NIPAL2: variants seen among roughly 807,000 people sequenced by gnomAD.
NIPAL2 encodes the protein NIPA like domain containing 2.
Under a neutral mutation model 48.9 loss-of-function variants are expected in NIPAL2, and 43 were observed. The ratio of observed to expected loss-of-function variants is 0.88; its 90% confidence interval spans 0.69 to 1.13. The LOEUF is 1.13. Among genes scored for constraint, NIPAL2 ranks in the 50% most tolerant of loss-of-function variants. The pLI, the probability that NIPAL2 is intolerant of heterozygous loss-of-function variation, is 0.00. For synonymous variants in NIPAL2, 167 were observed against 174.6 expected (o/e 0.96, Z 0.34); for missense variants, 446 against 461.4 (o/e 0.97, Z 0.31).
At position 98,252,635 on chromosome 8, in the gene NIPAL2, C is replaced by T. The variant is rs267602047; in HGVS notation, c.205-1G>A. ...GTGCCAGCTGAAGGTGAGAATATTT[C>T]TGAAAGTAAATCAGAAGACAAATAA... is the stretch of plus-strand genomic sequence containing the variant. On this transcript the variant is annotated splice_acceptor_variant, in intron 2 of 10. Transcript: ENST00000430223. LOFTEE classifies it high-confidence loss of function. The T allele has an allele frequency of 6.2e-7, 1 of 1,608,376 alleles. No individual in the cohort carries two copies. The highest frequency in any genetic ancestry group is 2.2e-5 in the East Asian group (1 of 44,596).
In NIPAL2 at chr8:98,192,309, A is replaced by G. The variant is rs1586276757; in HGVS notation, c.*669T>C. The G allele has an allele frequency of 6.6e-6, 1 of 152,402 alleles. No individual in the cohort carries two copies. Among genetic ancestry groups the G allele is most frequent in the East Asian group, 1.9e-4 (1 of 5,192 alleles). The allele number at this position is 152,402 out of a possible 1,614,324, so 9.4% of individuals were successfully genotyped here. Reference sequence around the variant, plus strand: ...GTACATGGGCTACTGAAACAAGCAGAGTCCTACTTCTTAAACTTCCTCTTC... The same window carrying G: ...GTACATGGGCTACTGAAACAAGCAGGGTCCTACTTCTTAAACTTCCTCTTC... On this transcript the variant is annotated 3_prime_UTR_variant, in exon 11 of 11. Transcript: ENST00000430223.
intron 1 of NIPAL2, among the ~76,000 whole-genome samples, chr8:98,258,108 T>C (rs1262072496): frequency 5.9e-5 from 9 of 152,212 alleles, no homozygotes; most frequent in African/African-American, 2.2e-4. Context: ...CTTGAAGACA[T>C]AATGCTAAGT....
chr8:98,286,542 C>T (rs941653557), intron 1 of NIPAL2, among the ~76,000 whole-genome samples: 2 of 152,164 alleles, frequency 1.3e-5, no homozygotes, highest in Admixed American at 6.6e-5. Context: ...GGCATGGTGG[C>T]TCATACCTGT....
chr8:98,277,661 G>A lies in NIPAL2; in HGVS notation c.135+16342C>T, dbSNP rs79973564. Among the ~76,000 whole-genome samples, 486 of 152,294 alleles carry A rather than the reference G, an allele frequency of 3.2e-3. 1 individual carries two copies. Among genetic ancestry groups the A allele is most frequent in the African/African-American group, 0.011 (453 of 41,560 alleles). ...CCATCAATTTACATTCTGTCTGTAT[G>A]AATTTGCCTATTCTGGACATTTTAT... On this transcript the variant is annotated intron_variant, in intron 1 of 10. Transcript: ENST00000430223.
At position 98,242,779 on chromosome 8, in the gene NIPAL2, C is replaced by T. The variant is rs190856863; in HGVS notation, c.377-6565G>A. On this transcript the variant is annotated intron_variant, in intron 3 of 10. Coordinates refer to ENST00000430223, the MANE Select transcript of NIPAL2 (RefSeq NM_001321635.2). ...GATTACAGGAGTGAGCCACCGCGCCCGGTCTTTTGCCTAAATATTCTTAAC... is the reference window on the plus strand; with the variant it reads ...GATTACAGGAGTGAGCCACCGCGCCTGGTCTTTTGCCTAAATATTCTTAAC... 2.4e-3 allele frequency among the ~76,000 whole-genome samples: 361 copies of T among 152,216 alleles called. 1 individual carries two copies. Among genetic ancestry groups the T allele is most frequent in the African/African-American group, 8.2e-3 (342 of 41,522 alleles).
At chr8:98,217,882 T>C (rs1222763805) in intron 5 of NIPAL2, among the ~76,000 whole-genome samples, 3 of 152,232 alleles carry the variant, frequency 2.0e-5, no homozygotes, top group African/African-American at 7.2e-5. Context: ...CCCAGAACTG[T>C]AAAATTCCTG....
chr8:98,237,834 G>C (rs926951698), intron 3 of NIPAL2, among the ~76,000 whole-genome samples: 3 of 152,154 alleles, frequency 2.0e-5, no homozygotes, highest in African/African-American at 7.2e-5. Context: ...CTTATGCTCT[G>C]ATTACCCCTG....
Position 98,259,069 on chromosome 8 carries a change from C to CTTTTTTTT in NIPAL2, c.136-4983_136-4982insAAAAAAAA, listed in dbSNP as rs1563531576. 1.0e-3 allele frequency among the ~76,000 whole-genome samples: 92 copies of CTTTTTTTT among 89,330 alleles called. 3 individuals carry two copies. The highest frequency in any genetic ancestry group is 1.4e-3 in the African/African-American group (30 of 21,798). 58.6% of individuals were successfully genotyped at this position (89,330 alleles called of 152,430 possible). ...TTATGCTGCTGTTCCTTTAAATATTCCTTTTTTTTTTTTTTTTTTTTTTTT... is the reference window on the plus strand; with the variant it reads ...TTATGCTGCTGTTCCTTTAAATATTCTTTTTTTTCTTTTTTTTTTTTTTTTTTTTTTTT... On this transcript the variant is annotated intron_variant, in intron 1 of 10. Transcript: ENST00000430223.
chr8:98,213,816 C>T (rs1028484057), intron 5 of NIPAL2, among the ~76,000 whole-genome samples: 1 of 152,114 alleles, frequency 6.6e-6, no homozygotes, highest in African/African-American at 2.4e-5. Flanking sequence ...TCCTGTCACA[C>T]CCCCAGCTTC....
intron 3 of NIPAL2, among the ~76,000 whole-genome samples, chr8:98,238,473 T>C (rs1812827776): frequency 6.6e-6 from 1 of 152,250 alleles, no homozygotes; most frequent in South Asian, 2.1e-4. Context: ...TTAATGTTGG[T>C]ATAATAATCC....
At chr8:98,207,278 T>C (rs897232373) in intron 6 of NIPAL2, among the ~76,000 whole-genome samples, 11 of 152,244 alleles carry the variant, frequency 7.2e-5, no homozygotes, top group Non-Finnish European at 1.6e-4. Context: ...TTCTCTGTTA[T>C]TGATAGCTAA....
At chr8:98,266,973 T>TA (rs879592285) in intron 1 of NIPAL2, among the ~76,000 whole-genome samples, 2,208 of 145,044 alleles carry the variant, frequency 0.015, 23 homozygotes, top group Non-Finnish European at 0.02. Flanking sequence ...ATGGTTCCTT[T>TA]AAAAAAAAAA....
chr8:98,280,574 G>A (rs1815744668), intron 1 of NIPAL2, among the ~76,000 whole-genome samples: 1 of 151,544 alleles, frequency 6.6e-6, no homozygotes, highest in Non-Finnish European at 1.5e-5. Flanking sequence ...GAATGAGCTG[G>A]AGTTGTTTTG....
rs555331107 is a variant in NIPAL2 at position 98,212,648 on chromosome 8, G to A, written c.559-147C>T. On this transcript the variant is annotated intron_variant, in intron 5 of 10. Transcript: ENST00000430223. ...GGGATGACACAGGAGAGCAGTATAA[G>A]CACCTCGGCCATCCAGACCCAGAGC... is the stretch of plus-strand genomic sequence containing the variant. The A allele has an allele frequency of 1.2e-4, 65 of 540,296 alleles. No homozygotes were observed. The South Asian group carries it at 1.5e-3, about 13-fold the overall frequency. The allele number at this position is 540,296 out of a possible 1,614,324, so 33.5% of individuals were successfully genotyped here. A position where few individuals can be genotyped will look rare whatever the true frequency, so the allele number is the denominator to read the frequency against.
intron 1 of NIPAL2, among the ~76,000 whole-genome samples, chr8:98,264,639 A>G (rs1404854124): frequency 6.6e-6 from 1 of 150,608 alleles, no homozygotes; most frequent in Admixed American, 6.6e-5. Context: ...GAGGATACAA[A>G]CAAATGGAAG....
intron 1 of NIPAL2, among the ~76,000 whole-genome samples, chr8:98,290,327 T>TA (rs1408839493): frequency 6.6e-6 from 1 of 152,206 alleles, no homozygotes; most frequent in African/African-American, 2.4e-5. Context: ...AGAAAGGGCA[T>TA]AAAAAATCCT....
At chr8:98,291,656 G>A (rs776042312) in intron 1 of NIPAL2, among the ~76,000 whole-genome samples, 1 of 152,106 alleles carries the variant, frequency 6.6e-6, no homozygotes, top group Non-Finnish European at 1.5e-5. Flanking sequence ...AAACATCTTG[G>A]GAACATTATC....
intron 4 of NIPAL2, among the ~76,000 whole-genome samples, chr8:98,229,507 G>A (rs572268688): frequency 7.9e-5 from 12 of 152,244 alleles, no homozygotes; most frequent in Non-Finnish European, 4.4e-5. Flanking sequence ...TGAGTAGCTG[G>A]AACTACAGGC....
intron 1 of NIPAL2, among the ~76,000 whole-genome samples, chr8:98,254,336 A>G (rs865826132): frequency 7.2e-5 from 11 of 152,228 alleles, no homozygotes; most frequent in African/African-American, 2.4e-4. Flanking sequence ...ATTTACTAAA[A>G]TAAATAAAAT....
Sources: allele counts gnomAD v4.1 joint callset (sites outside exome capture counted in the v4.1 genomes callset), GRCh38; gene constraint gnomAD v4.1.1; transcripts MANE v1.5; gene names NCBI Gene and HGNC (gene_info 2026-07-23, HGNC 2026-07-21).